The following COL7A1 variants were observed in gnomAD, a reference collection of about 807,000 sequenced individuals.
The protein encoded by COL7A1 is collagen alpha-1(VII) chain.
Under a neutral mutation model 456.2 loss-of-function variants are expected in COL7A1, and 296 were observed. The ratio of observed to expected loss-of-function variants is 0.65; its 90% CI spans 0.59 to 0.71. COL7A1 has a LOEUF of 0.71. Ranked by LOEUF, COL7A1 falls within the 30% of genes least tolerant of loss-of-function variation. The pLI, the probability that COL7A1 is intolerant of heterozygous loss-of-function variation, is 0.00. For missense variants in COL7A1, 3,441 were observed against 4,017.2 expected (o/e 0.86, Z 3.88); for synonymous variants, 1,464 against 1,525.9 (o/e 0.96, Z 0.95).
intron 1 of COL7A1, 51 bp downstream of exon 1, chr3:48,595,217 G>A (rs1217230703): frequency 1.4e-6 from 2 of 1,441,666 alleles, no homozygotes; most frequent in Admixed American, 2.0e-5. Context: ...CTCCCCCGTG[G>A]CCTTGGCAGG....
chr3:48,578,661 G>T lies in COL7A1; in HGVS notation c.5425-146C>A. 1 of 1,032,174 alleles carries T rather than the reference G, an allele frequency of 9.7e-7. No individual in the cohort carries two copies. Among genetic ancestry groups the T allele is most frequent in the Non-Finnish European group, 1.4e-6 (1 of 696,794 alleles). 63.9% of individuals were successfully genotyped at this position (1,032,174 alleles called of 1,614,324 possible). A position where few individuals can be genotyped will look rare whatever the true frequency, so the allele number is the denominator to read the frequency against. ...GTCCCATTGAGATCCCTCAGGCACAGACCCCATGGATGGGGGCCCCTGCTG... is the reference window on the plus strand; with the variant it reads ...GTCCCATTGAGATCCCTCAGGCACATACCCCATGGATGGGGGCCCCTGCTG... On this transcript the variant is annotated intron_variant, in intron 63 of 118. Coordinates refer to ENST00000681320, the MANE Select transcript of COL7A1 (RefSeq NM_000094.4). This position sits in a 1 kb window ranked among gnomAD's most constrained non-coding sequence, Gnocchi z 4.7.
chr3:48,570,427 G>C lies in COL7A1; in HGVS notation c.7380+38C>G. On this transcript the variant is annotated intron_variant, in intron 97 of 118. Transcript: ENST00000681320. This position sits in a 1 kb window ranked among gnomAD's most constrained non-coding sequence, Gnocchi z 5.5. ...CAGTGGAGGCTGAAGGGGGTGACCA[G>C]GGCACAAGAGAGAGTCAGCAGCACT... The C allele has an allele frequency of 6.2e-7, 1 of 1,613,966 alleles. No homozygotes were observed. Among genetic ancestry groups the C allele is most frequent in the Non-Finnish European group, 8.5e-7 (1 of 1,179,944 alleles).
chr3:48,572,595 C>A lies in COL7A1; in HGVS notation c.6901-57G>T. ...TCCCCCGCCCCCACCCTGCCACCCCCATGGCATTTGGAAACAGGCTTGTGG... is the reference window on the plus strand; with the variant it reads ...TCCCCCGCCCCCACCCTGCCACCCCAATGGCATTTGGAAACAGGCTTGTGG... On this transcript the variant is annotated intron_variant, in intron 88 of 118. Transcript: ENST00000681320. The surrounding 1 kb of genome is among the most constrained non-coding windows in gnomAD (Gnocchi z 4.6). 6.2e-7 allele frequency: 1 copy of A among 1,607,306 alleles called. No homozygotes were observed. Among genetic ancestry groups the A allele is most frequent in the East Asian group, 2.2e-5 (1 of 44,566 alleles).
chr3:48,574,962 A>C lies in COL7A1; in HGVS notation c.6280-97T>G. 1.9e-6 allele frequency: 3 copies of C among 1,579,322 alleles called. No homozygotes were observed. Among genetic ancestry groups the C allele is most frequent in the Non-Finnish European group, 2.6e-6 (3 of 1,151,304 alleles). On this transcript the variant is annotated intron_variant, in intron 76 of 118. Transcript: ENST00000681320. The surrounding 1 kb of genome is among the most constrained non-coding windows in gnomAD (Gnocchi z 5.0). ...GATCACAGAGGGTTATAGGGTCAGA[A>C]ATTCCAGGGTTATGGCACACACTAC...
chr3:48,587,068 A>T lies in COL7A1; in HGVS notation c.3180T>A (p.His1060Gln). 2 of 1,611,240 alleles carry T rather than the reference A, an allele frequency of 1.2e-6. No individual in the cohort carries two copies. Among genetic ancestry groups the T allele is most frequent in the Non-Finnish European group, 1.7e-6 (2 of 1,178,820 alleles). Reference protein sequence around the residue: ...RGLADVVFLPHATQDNAHRAE... With the variant: ...RGLADVVFLPQATQDNAHRAE... ...CACGGTGAGCATTGTCTTGAGTGGCATGTGGTAGGAACACCACATCCGCCA... is the reference window on the plus strand; with the variant it reads ...CACGGTGAGCATTGTCTTGAGTGGCTTGTGGTAGGAACACCACATCCGCCA... The change falls in exon 25 of 119, where the codon CAT becomes CAA. Residue 1060 changes from histidine (H) to glutamine (Q), a missense_variant. By Grantham distance (24) the His-to-Gln change is conservative. Transcript: ENST00000681320. The surrounding 1 kb of genome is among the most constrained non-coding windows in gnomAD (Gnocchi z 6.1).
chr3:48,578,843 T>G lies in COL7A1; in HGVS notation c.5424+76A>C. 1.4e-6 allele frequency: 2 copies of G among 1,480,272 alleles called. No individual in the cohort carries two copies. Among genetic ancestry groups the G allele is most frequent in the Admixed American group, 2.0e-5 (1 of 51,218 alleles). The allele number at this position is 1,480,272 out of a possible 1,614,324, so 91.7% of individuals were successfully genotyped here. A position where few individuals can be genotyped will look rare whatever the true frequency, so the allele number is the denominator to read the frequency against. ...CCGACCCCCCACCAACTCTCTCGGATGCTGTGACTATGATGATCTGGTTGG... is the reference window on the plus strand; with the variant it reads ...CCGACCCCCCACCAACTCTCTCGGAGGCTGTGACTATGATGATCTGGTTGG... On this transcript the variant is annotated intron_variant, in intron 63 of 118. Coordinates refer to ENST00000681320, the MANE Select transcript of COL7A1 (RefSeq NM_000094.4). This position sits in a 1 kb window ranked among gnomAD's most constrained non-coding sequence, Gnocchi z 4.7.
chr3:48,593,285 A>C lies in COL7A1; in HGVS notation c.521-22T>G. On this transcript the variant is annotated intron_variant, in intron 5 of 118. Coordinates refer to ENST00000681320, the MANE Select transcript of COL7A1 (RefSeq NM_000094.4). The surrounding 1 kb of genome is among the most constrained non-coding windows in gnomAD (Gnocchi z 4.4). ...ATCCCTGAAGTGACGACCCATCAGG[A>C]CTCAGTCACCCACATGCTCTCTGAC... is the stretch of plus-strand genomic sequence containing the variant. 6.2e-7 allele frequency: 1 copy of C among 1,613,906 alleles called. No individual in the cohort carries two copies. The highest frequency in any genetic ancestry group is 8.5e-7 in the Non-Finnish European group (1 of 1,179,958).
rs756726537 is a variant in COL7A1, at chr3:48,592,062, C to G, written c.1240+40G>C. 6.2e-7 allele frequency: 1 copy of G among 1,614,210 alleles called. No homozygotes were observed. Among genetic ancestry groups the G allele is most frequent in the East Asian group, 2.2e-5 (1 of 44,888 alleles). ...CAGTGGCCTCCGGGCCTTGCCCTGC[C>G]TGCCCGTCCCAGCCTGAAGAAAGTG... On this transcript the variant is annotated intron_variant, in intron 10 of 118. Transcript: ENST00000681320. This position sits in a 1 kb window ranked among gnomAD's most constrained non-coding sequence, Gnocchi z 7.6.
chr3:48,569,593 A>G lies in COL7A1; in HGVS notation c.7613T>C (p.Met2538Thr), dbSNP rs1479527914. ...CAGTCCACACGTGGGCCCACTCACC[A>G]TGTCCCCCTTGGCACCCCGTGGGCC... is the stretch of plus-strand genomic sequence containing the variant. ...PPGPRGAKGD[M>T]GERGPRGLDG... The change falls in exon 102 of 119, where the codon ATG (methionine) becomes ACG (threonine). Residue 2538 changes from methionine to threonine, a missense_variant and splice_region_variant. By Grantham distance (81) the Met-to-Thr change is moderately conservative. Around this residue, in one of 3 missense-constraint regions of COL7A1, gnomAD observed 2,084 missense variants for 2,501.3 expected, o/e 0.83. Coordinates refer to ENST00000681320, the MANE Select transcript of COL7A1 (RefSeq NM_000094.4). The surrounding 1 kb of genome is among the most constrained non-coding windows in gnomAD (Gnocchi z 4.9). 1 of 1,613,398 alleles carries G rather than the reference A, an allele frequency of 6.2e-7. No homozygotes were observed. Among genetic ancestry groups the G allele is most frequent in the African/African-American group, 1.3e-5 (1 of 74,908 alleles).
Position 48,583,714 on chromosome 3 carries a change from C to T in COL7A1, c.4341+4G>A, listed in dbSNP as rs1402496825. 1 of 1,613,966 alleles carries T rather than the reference C, an allele frequency of 6.2e-7. No individual in the cohort carries two copies. Among genetic ancestry groups the T allele is most frequent in the African/African-American group, 1.3e-5 (1 of 75,026 alleles). On this transcript the variant is annotated splice_donor_region_variant and intron_variant, in intron 40 of 118. Transcript: ENST00000681320. This position sits in a 1 kb window ranked among gnomAD's most constrained non-coding sequence, Gnocchi z 5.1. ...CTGGGACATCATCAAGTCAGCCTTC[C>T]TACTTTTTCTCCTTTCTTTCCAGGG...
chr3:48,589,410 T>C lies in COL7A1; in HGVS notation c.2231A>G (p.Glu744Gly). Reference sequence around the variant, plus strand: ...ATGCACCGTATACTCAGTATCTGGCTCCAGTCCATCCAGCTCAGCCACCGT... The same window carrying C: ...ATGCACCGTATACTCAGTATCTGGCCCCAGTCCATCCAGCTCAGCCACCGT... ...EATVAELDGLEPDTEYTVHVR... is the reference protein window; with the variant it reads ...EATVAELDGLGPDTEYTVHVR... Residue 744 changes from glutamate (E) to glycine (G), a missense_variant, in exon 18 of 119, where the codon GAG (glutamate) becomes GGG (glycine). Physicochemically the swap from Glu to Gly is moderately conservative, Grantham distance 98. Transcript: ENST00000681320. 6.2e-7 allele frequency: 1 copy of C among 1,613,602 alleles called. No homozygotes were observed. The highest frequency in any genetic ancestry group is 8.5e-7 in the Non-Finnish European group (1 of 1,179,980).
rs1236035662 is a variant in COL7A1 at position 48,592,521 on chromosome 3, G to A, written c.976+49C>T. 1.2e-6 allele frequency: 2 copies of A among 1,613,404 alleles called. No individual in the cohort carries two copies. The highest frequency in any genetic ancestry group is 1.3e-5 in the African/African-American group (1 of 74,920). Reference sequence around the variant, plus strand: ...GGAGTCAGAAGTGGGAGGGGGTACTGGGGTCGGGGGTTAGGTGAATGGGGT... The same window carrying A: ...GGAGTCAGAAGTGGGAGGGGGTACTAGGGTCGGGGGTTAGGTGAATGGGGT... On this transcript the variant is annotated intron_variant, in intron 8 of 118. Coordinates refer to ENST00000681320, the MANE Select transcript of COL7A1 (RefSeq NM_000094.4). The surrounding 1 kb of genome is among the most constrained non-coding windows in gnomAD (Gnocchi z 7.6).
chr3:48,565,759 G>C lies in COL7A1; in HGVS notation c.8408-91C>G, dbSNP rs1281833307. 1.6e-6 allele frequency: 2 copies of C among 1,244,518 alleles called. No homozygotes were observed. The highest frequency in any genetic ancestry group is 2.3e-6 in the Non-Finnish European group (2 of 867,174). The allele number at this position is 1,244,518 out of a possible 1,614,324, so 77.1% of individuals were successfully genotyped here. ...ACAGAGACACACAGGCAGAGGGGTA[G>C]AGATACACAAAGAGATAGCAGGAGA... On this transcript the variant is annotated intron_variant, in intron 114 of 118. Coordinates refer to ENST00000681320, the MANE Select transcript of COL7A1 (RefSeq NM_000094.4). The surrounding 1 kb of genome is among the most constrained non-coding windows in gnomAD (Gnocchi z 4.5).
Position 48,594,487 on chromosome 3 carries a change from A to G in COL7A1, c.147T>C (p.Ile49=). The G allele has an allele frequency of 6.2e-7, 1 of 1,612,348 alleles. No individual in the cohort carries two copies. Among genetic ancestry groups the G allele is most frequent in the South Asian group, 1.1e-5 (1 of 91,008 alleles). ...IVFLLDGSSS[I]GRSNFREVRS... ...GGACCTCGCGGAAATTGCTGCGGCC[A>G]ATGGATGAGGAGCCATCCAGTAAGA... is the stretch of plus-strand genomic sequence containing the variant. Residue 49 remains isoleucine (I), a synonymous_variant, in exon 3 of 119, where the codon ATT becomes ATC. Coordinates refer to ENST00000681320, the MANE Select transcript of COL7A1 (RefSeq NM_000094.4). This position sits in a 1 kb window ranked among gnomAD's most constrained non-coding sequence, Gnocchi z 5.5.
At position 48,590,675 on chromosome 3, in the gene COL7A1, C is replaced by T. The variant is rs751029855; in HGVS notation, c.1778G>A (p.Arg593Gln). 24 of 1,613,878 alleles carry T rather than the reference C, an allele frequency of 1.5e-5. No homozygotes were observed. Among genetic ancestry groups the T allele is most frequent in the South Asian group, 2.2e-5 (2 of 91,088 alleles). The change falls in exon 14 of 119, where the codon CGG (arginine) becomes CAG (glutamine). Residue 593 changes from arginine (R) to glutamine (Q), a missense_variant and splice_region_variant. Transcript: ENST00000681320. This position sits in a 1 kb window ranked among gnomAD's most constrained non-coding sequence, Gnocchi z 4.6. ...CACAAGCCTCCTGCAGTACTCACCC[C>T]GGCGGACAGTGAGGACACTGGCACT... ...EGSASVLTVR[R>Q]EPETPLAVPG...
rs141566570 is a variant in COL7A1 at position 48,581,745 on chromosome 3, G to T, written c.4683C>A (p.Pro1561=). Residue 1561 remains proline, a synonymous_variant, in exon 49 of 119, where the codon CCC becomes CCA. Coordinates refer to ENST00000681320, the MANE Select transcript of COL7A1 (RefSeq NM_000094.4). This position sits in a 1 kb window ranked among gnomAD's most constrained non-coding sequence, Gnocchi z 5.8. The part of the protein sequence containing the change: ...GPKGEKGDVG[P]AGPRGATGVQ... ...CTCCGGTAGCTCCTCTGGGCCCAGC[G>T]GGCCCCACATCTCCCTGGAGGTGAC... is the stretch of plus-strand genomic sequence containing the variant. 1.9e-6 allele frequency: 3 copies of T among 1,613,812 alleles called. No individual in the cohort carries two copies. The highest frequency in any genetic ancestry group is 1.3e-5 in the African/African-American group (1 of 74,840).
rs1264587175 is a variant in COL7A1, at chr3:48,572,526, G to A, written c.6913C>T (p.Leu2305Phe). The stretch of plus-strand genomic sequence containing the variant: ...ACCTTCTCTCCCTTTGCTCCAGGGA[G>A]CCCGACCACAGCCTGTGGGGAATGC... Reference protein sequence around the residue: ...TGAPGQAVVGLPGAKGEKGAP... With the variant: ...TGAPGQAVVGFPGAKGEKGAP... The change falls in exon 89 of 119, where the codon CTC becomes TTC. Residue 2305 changes from leucine to phenylalanine, a missense_variant. Physicochemically the swap from Leu to Phe is conservative, Grantham distance 22. Around this residue, in one of 3 missense-constraint regions of COL7A1, gnomAD observed 2,084 missense variants for 2,501.3 expected, o/e 0.83. Transcript: ENST00000681320. The surrounding 1 kb of genome is among the most constrained non-coding windows in gnomAD (Gnocchi z 4.6). 2.5e-6 allele frequency: 4 copies of A among 1,613,730 alleles called. No individual in the cohort carries two copies. In the Admixed American group the frequency reaches 5.0e-5, roughly 20 times the overall value.
At position 48,568,136 on chromosome 3, in the gene COL7A1, C is replaced by T. The variant is rs372102117; in HGVS notation, c.7829G>A (p.Arg2610Gln). 91 of 1,614,072 alleles carry T rather than the reference C, an allele frequency of 5.6e-5. No homozygotes were observed. In the African/African-American group the frequency reaches 9.6e-4, roughly 17 times the overall value. Residue 2610 changes from arginine (R) to glutamine (Q), a missense_variant, in exon 106 of 119, where the codon CGA becomes CAA. Physicochemically the swap from Arg to Gln is conservative, Grantham distance 43 (BLOSUM62 1). Around this residue, in one of 3 missense-constraint regions of COL7A1, gnomAD observed 2,084 missense variants for 2,501.3 expected, o/e 0.83. Transcript: ENST00000681320. This position sits in a 1 kb window ranked among gnomAD's most constrained non-coding sequence, Gnocchi z 5.2. Reference protein sequence around the residue: ...SPGKDGVPGIRGEKGDVGFMG... With the variant: ...SPGKDGVPGIQGEKGDVGFMG... ...GAAGCCAACATCTCCTTTTTCTCCTCGGATACCAGGCACTCCATCCTTTCC... is the reference window on the plus strand; with the variant it reads ...GAAGCCAACATCTCCTTTTTCTCCTTGGATACCAGGCACTCCATCCTTTCC...
Position 48,567,942 on chromosome 3 carries a change from G to A in COL7A1, c.7876-51C>T. The A allele has an allele frequency of 1.2e-6, 2 of 1,610,936 alleles. No individual in the cohort carries two copies. The highest frequency in any genetic ancestry group is 1.7e-6 in the Non-Finnish European group (2 of 1,177,390). ...GTGATTCCCAGACACCTCACTCTGT[G>A]ACCCCCTTCACCCTGAAACTAACTC... On this transcript the variant is annotated intron_variant, in intron 106 of 118. Transcript: ENST00000681320. The surrounding 1 kb of genome is among the most constrained non-coding windows in gnomAD (Gnocchi z 4.3).
Sources: allele counts gnomAD v4.1 joint callset, GRCh38; gene constraint gnomAD v4.1.1; regional missense constraint gnomAD v4.1.1; non-coding constraint Gnocchi (gnomAD v3.1); transcripts MANE v1.5; gene names NCBI Gene and HGNC (gene_info 2026-07-23, HGNC 2026-07-21).